GREB1: variants seen among roughly 807,000 people sequenced by gnomAD.
GREB1 encodes the protein growth regulating estrogen receptor binding 1.
A neutral mutation model predicts 200.7 loss-of-function variants in GREB1; 106 were observed. The observed-to-expected ratio is 0.53, with a 90% CI of 0.45 to 0.62. The LOEUF (loss-of-function observed/expected upper bound fraction) is 0.62. Ranked by LOEUF, GREB1 falls within the 20% of genes least tolerant of loss-of-function variation. GREB1 has a pLI of 0.00. For synonymous variants in GREB1, 1,132 were observed against 1,092.4 expected (o/e 1.04, Z -0.72); for missense variants, 2,243 against 2,556.8 (o/e 0.88, Z 2.65).
In GREB1 at chr2:11,616,634, C is replaced by T; in HGVS notation, c.3326C>T (p.Ser1109Phe). The T allele has an allele frequency of 1.9e-6, 3 of 1,602,368 alleles. No homozygotes were observed. The highest frequency in any genetic ancestry group is 1.7e-6 in the Non-Finnish European group (2 of 1,169,200). The change falls in exon 21 of 33, where the codon TCT (serine) becomes TTT (phenylalanine). Residue 1109 changes from serine to phenylalanine, a missense_variant. Transcript: ENST00000381486. Reference protein sequence around the residue: ...NEDEELGTEGSTSEKRSPMKR... With the variant: ...NEDEELGTEGFTSEKRSPMKR... The stretch of plus-strand genomic sequence containing the variant: ...CAGCGTGTGTGTTTTGGAACAGGCT[C>T]TACCTCGGAGAAGAGAAGCCCCATG...
chr2:11,494,733 C>G (rs1672841877), intron 1 of GREB1, among the ~76,000 whole-genome samples: 1 of 152,174 alleles, frequency 6.6e-6, no homozygotes, highest in African/African-American at 2.4e-5. Flanking sequence ...CTTGGGCAGG[C>G]TACTTAATGT....
At chr2:11,578,175 G>T in intron 5 of GREB1, 122 bp from the exon 6 acceptor site, 1 of 1,036,930 alleles carries the variant, frequency 9.6e-7, no homozygotes, top group Non-Finnish European at 1.4e-6. Context: ...GGATGTGGTG[G>T]CAGCTTGTGT....
At chr2:11,592,561 T>TG (rs1680838937) in intron 10 of GREB1, among the ~76,000 whole-genome samples, 1 of 149,722 alleles carries the variant, frequency 6.7e-6, no homozygotes, top group African/African-American at 2.6e-5. Context: ...AACTTTCATA[T>TG]GGAAAAAAAG....
At position 11,635,537 on chromosome 2, in the gene GREB1, G is replaced by A. The variant is rs995577368; in HGVS notation, c.5346+132G>A. The stretch of plus-strand genomic sequence containing the variant: ...CATGGGGCAGGGCCCTACTGGGTGG[G>A]GTCAGTAAAGGTTTTTAATCGGCAT... On this transcript the variant is annotated intron_variant, in intron 30 of 32. Transcript: ENST00000381486. The A allele has an allele frequency of 4.1e-6, 4 of 970,494 alleles. No individual in the cohort carries two copies. In the African/African-American group the frequency reaches 5.0e-5, roughly 12 times the overall value. 60.1% of individuals were successfully genotyped at this position (970,494 alleles called of 1,614,324 possible).
chr2:11,531,617 C>T (rs959471435), upstream of GREB1, among the ~76,000 whole-genome samples: 1 of 152,066 alleles, frequency 6.6e-6, no homozygotes, highest in Admixed American at 6.6e-5. Context: ...GTCATCCAGG[C>T]TGGAGTACAG....
At chr2:11,520,285 A>G (rs938547981) in intron 1 of GREB1, among the ~76,000 whole-genome samples, 4 of 152,252 alleles carry the variant, frequency 2.6e-5, no homozygotes, top group African/African-American at 9.6e-5. Context: ...GTAACAAATT[A>G]TCATAGATCT....
chr2:11,498,889 G>A (rs1224222457), intron 1 of GREB1, among the ~76,000 whole-genome samples: 1 of 152,214 alleles, frequency 6.6e-6, no homozygotes, highest in African/African-American at 2.4e-5. Context: ...CAAATGTGGC[G>A]TGCAGCTGCT....
chr2:11,583,963 G>T (rs1402283132), intron 7 of GREB1, among the ~76,000 whole-genome samples: 1 of 152,166 alleles, frequency 6.6e-6, no homozygotes, highest in Admixed American at 6.5e-5. Flanking sequence ...GGACACACAG[G>T]TTTAATAGGC....
chr2:11,597,906 G>A lies in GREB1; in HGVS notation c.2080G>A (p.Val694Met). 1.2e-6 allele frequency: 2 copies of A among 1,614,204 alleles called. No homozygotes were observed. Among genetic ancestry groups the A allele is most frequent in the Non-Finnish European group, 1.7e-6 (2 of 1,180,030 alleles). The change falls in exon 14 of 33, where the codon GTG becomes ATG. Residue 694 changes from valine (V) to methionine (M), a missense_variant. Physicochemically the swap from Val to Met is conservative, Grantham distance 21. This residue lies in a region of GREB1 where 1,178 missense variants were observed against 1,387.4 expected (regional missense o/e 0.85). Coordinates refer to ENST00000381486, the MANE Select transcript of GREB1 (RefSeq NM_014668.4). The surrounding 1 kb of genome is among the most constrained non-coding windows in gnomAD (Gnocchi z 4.1). Reference sequence around the variant, plus strand: ...TCTGGACCTGGGATCCTTTGAGAAGGTGGACTTTCTCATTTGCATTCCCCC... The same window carrying A: ...TCTGGACCTGGGATCCTTTGAGAAGATGGACTTTCTCATTTGCATTCCCCC... ...QNLDLGSFEK[V>M]DFLICIPPSE...
At chr2:11,560,266 C>G (rs952871052) in intron 2 of GREB1, among the ~76,000 whole-genome samples, 6 of 152,204 alleles carry the variant, frequency 3.9e-5, no homozygotes, top group Non-Finnish European at 8.8e-5. Context: ...GATTTCCAGT[C>G]CAATCTCTTT....
chr2:11,575,405 A>T (rs1191907565), intron 4 of GREB1, among the ~76,000 whole-genome samples: 1 of 152,202 alleles, frequency 6.6e-6, no homozygotes, highest in Non-Finnish European at 1.5e-5. Context: ...ACAGTGTATG[A>T]AGGTCTTTTC....
chr2:11,485,169 C>A (rs1446018006), intron 1 of GREB1, among the ~76,000 whole-genome samples: 1 of 151,966 alleles, frequency 6.6e-6, no homozygotes, highest in Non-Finnish European at 1.5e-5. Flanking sequence ...AAAATGATTC[C>A]GATTCATGAA....
chr2:11,511,920 G>A (rs1673364138), intron 1 of GREB1, among the ~76,000 whole-genome samples: 1 of 152,094 alleles, frequency 6.6e-6, no homozygotes, highest in Non-Finnish European at 1.5e-5. Context: ...GGGTGTGACT[G>A]TTATTACCAC....
rs187229674 is a variant in GREB1, at chr2:11,574,024, G to A, written c.455-2329G>A. On this transcript the variant is annotated intron_variant, in intron 4 of 32. Transcript: ENST00000381486. ...CCAGGGAGCTCTGAAGGTTTCTTCG[G>A]GCCTTGTTCTTAGGCAGCAGTTGAG... is the stretch of plus-strand genomic sequence containing the variant. 2.0e-4 allele frequency among the ~76,000 whole-genome samples: 31 copies of A among 152,332 alleles called. 1 individual carries two copies. In the East Asian group the frequency reaches 5.6e-3, roughly 27 times the overall value.
chr2:11,566,509 C>T lies in GREB1; in HGVS notation c.307C>T (p.Leu103Phe), dbSNP rs1388329218. The T allele has an allele frequency of 6.2e-7, 1 of 1,613,188 alleles. No homozygotes were observed. Among genetic ancestry groups the T allele is most frequent in the Admixed American group, 1.7e-5 (1 of 59,968 alleles). Residue 103 changes from leucine (L) to phenylalanine (F), a missense_variant, in exon 4 of 33, where the codon CTT (leucine) becomes TTT (phenylalanine). Physicochemically the swap from Leu to Phe is conservative, Grantham distance 22. This residue lies in a region of GREB1 where 1,178 missense variants were observed against 1,387.4 expected (regional missense o/e 0.85). Transcript: ENST00000381486. ...TTGCCAGGCCGGGAAGGACCTGCGC[C>T]TTGTCTCCATTTCCAACGAGCCCAT... ...GFCQAGKDLR[L>F]VSISNEPMDV...
chr2:11,552,030 G>A (rs1421887398), intron 1 of GREB1, among the ~76,000 whole-genome samples: 2 of 152,174 alleles, frequency 1.3e-5, no homozygotes, highest in Non-Finnish European at 1.5e-5. Context: ...TGTCCGTAAC[G>A]AGCAATCAGT....
chr2:11,563,984 G>C (rs1311713345), intron 3 of GREB1, among the ~76,000 whole-genome samples: 1 of 152,172 alleles, frequency 6.6e-6, no homozygotes, highest in African/African-American at 2.4e-5. Flanking sequence ...AGGCTTCCTG[G>C]AGGAGGTGGC....
chr2:11,610,737 C>T lies in GREB1; in HGVS notation c.2716C>T (p.His906Tyr), dbSNP rs1462147700. Residue 906 changes from histidine (H) to tyrosine (Y), a missense_variant, in exon 18 of 33, where the codon CAC becomes TAC. His to Tyr is a moderately conservative substitution (Grantham distance 83). This residue lies in a region of GREB1 where 1,178 missense variants were observed against 1,387.4 expected (regional missense o/e 0.85). Transcript: ENST00000381486. ...GATCAGGACCTTTGTTCTCGTGCAG[C>T]ACTACGCGGCCGCCCTGATGGCCGT... ...AVIRTFVLVQ[H>Y]YAAALMAVSG... The T allele has an allele frequency of 2.5e-6, 4 of 1,613,454 alleles. No homozygotes were observed. Among genetic ancestry groups the T allele is most frequent in the Non-Finnish European group, 3.4e-6 (4 of 1,179,980 alleles).
In GREB1 at chr2:11,548,328, C is replaced by T. The variant is rs1675494896; in HGVS notation, c.-161-8126C>T. Among the ~76,000 whole-genome samples the T allele has an allele frequency of 6.9e-6, 1 of 144,040 alleles. No individual in the cohort carries two copies. The highest frequency in any genetic ancestry group is 1.5e-5 in the Non-Finnish European group (1 of 67,332). 94.5% of individuals were successfully genotyped at this position (144,040 alleles called of 152,430 possible). A position where few individuals can be genotyped will look rare whatever the true frequency, so the allele number is the denominator to read the frequency against. ...CACATATGCACACACACGCACACAC[C>T]CAGACACGTGCACACATGCATATAC... is the stretch of plus-strand genomic sequence containing the variant. On this transcript the variant is annotated intron_variant, in intron 1 of 32. Coordinates refer to ENST00000381486, the MANE Select transcript of GREB1 (RefSeq NM_014668.4). The surrounding 1 kb of genome is among the most constrained non-coding windows in gnomAD (Gnocchi z 5.1).
Sources: gnomAD v4.1 joint callset for allele counts (sites outside exome capture counted in the v4.1 genomes callset) on GRCh38, gnomAD v4.1.1 for gene constraint, gnomAD v4.1.1 regional missense constraint, Gnocchi (gnomAD v3.1) non-coding constraint, MANE v1.5 for transcripts, NCBI Gene and HGNC (gene_info 2026-07-23, HGNC 2026-07-21) for gene names.